The following SEC23A variants were observed in gnomAD, a reference collection of about 807,000 sequenced individuals.
SEC23A encodes the protein SEC23 homolog A, COPII component, also known as protein transport protein Sec23A.
Under a neutral mutation model 103.7 loss-of-function variants are expected in SEC23A, and 56 were observed. The ratio of observed to expected loss-of-function variants is 0.54; its 90% CI spans 0.44 to 0.67. The LOEUF is 0.67. Ranked by LOEUF, SEC23A falls within the 30% of genes least tolerant of loss-of-function variation. The pLI, the probability that SEC23A is intolerant of heterozygous loss-of-function variation, is 0.00. For synonymous variants in SEC23A, 281 were observed against 293.0 expected (o/e 0.96, Z 0.42); for missense variants, 784 against 936.4 (o/e 0.84, Z 2.12).
chr14:39,089,386 A>G (rs1441657346), intron 5 of SEC23A, among the ~76,000 whole-genome samples: 2 of 152,104 alleles, frequency 1.3e-5, no homozygotes, highest in Non-Finnish European at 2.9e-5. Flanking sequence ...TTTACAATTG[A>G]AAAAAACTAA....
intron 4 of SEC23A, among the ~76,000 whole-genome samples, chr14:39,092,030 A>G (rs545516349): frequency 3.3e-5 from 5 of 152,358 alleles, no homozygotes; most frequent in African/African-American, 1.2e-4. Context: ...ATAACTAGAA[A>G]CTAGCCAGGC....
intron 9 of SEC23A, among the ~76,000 whole-genome samples, chr14:39,070,770 T>TAGCC (rs1218197421): frequency 6.6e-6 from 1 of 152,230 alleles, no homozygotes; most frequent in African/African-American, 2.4e-5. Flanking sequence ...CTCATGCCTA[T>TAGCC]AATCCCAGCA....
chr14:39,059,278 T>TAAAAAAAAAAAAAAAAAAAAAAAAAA (rs750853379), intron 13 of SEC23A, among the ~76,000 whole-genome samples: 4 of 71,826 alleles, frequency 5.6e-5, no homozygotes, highest in African/African-American at 1.0e-4. Flanking sequence ...AGTCCTAGTT[T>TAAAAAAAAAAAAAAAAAAAAAAAAAA]AAAAAAAAAA....
chr14:39,049,523 T>C (rs1885969756), intron 14 of SEC23A, among the ~76,000 whole-genome samples: 1 of 151,588 alleles, frequency 6.6e-6, no homozygotes, highest in South Asian at 2.1e-4. Flanking sequence ...ATGCCTATAA[T>C]TCAAGCACTT....
chr14:39,090,715 C>T (rs1044870170), intron 5 of SEC23A, among the ~76,000 whole-genome samples: 2 of 152,304 alleles, frequency 1.3e-5, no homozygotes, highest in African/African-American at 4.8e-5. Context: ...CATCAGGTGA[C>T]TAGCACCATG....
At chr14:39,051,059 T>C (rs1033452053) in intron 14 of SEC23A, among the ~76,000 whole-genome samples, 2 of 152,192 alleles carry the variant, frequency 1.3e-5, no homozygotes, top group African/African-American at 4.8e-5. Context: ...AGAGAAAAAG[T>C]TAATACTGTT....
intron 13 of SEC23A, among the ~76,000 whole-genome samples, chr14:39,060,127 T>C (rs749901614): frequency 6.6e-6 from 1 of 151,486 alleles, no homozygotes; most frequent in Non-Finnish European, 1.5e-5. Context: ...GCACACACGT[T>C]GAGAGCCATA....
Position 39,043,833 on chromosome 14 carries a change from G to A in SEC23A, c.1900-961C>T, listed in dbSNP as rs182837643. ...ATACTGTTGAGAGCTCTGGTGAGAT[G>A]TAGGACATTGGTGGTCTTTATAAGA... On this transcript the variant is annotated intron_variant, in intron 16 of 19. Transcript: ENST00000307712. Among the ~76,000 whole-genome samples the A allele has an allele frequency of 2.5e-3, 384 of 152,324 alleles. 3 individuals are homozygous for A. The highest frequency in any genetic ancestry group is 8.7e-3 in the African/African-American group (363 of 41,574).
chr14:39,033,092 G>A lies in SEC23A; in HGVS notation c.*147C>T, dbSNP rs1885352768. On this transcript the variant is annotated 3_prime_UTR_variant, in exon 20 of 20. Coordinates refer to ENST00000307712, the MANE Select transcript of SEC23A (RefSeq NM_006364.4). ...TAATTCCAGCTTAATCTACAAATGT[G>A]AACATTTTCCATATGTTGTCTCAAA... 2 of 658,592 alleles carry A rather than the reference G, an allele frequency of 3.0e-6. No homozygotes were observed. The highest frequency in any genetic ancestry group is 5.5e-6 in the Non-Finnish European group (2 of 363,856). 40.8% of individuals were successfully genotyped at this position (658,592 alleles called of 1,614,324 possible).
rs534406720 is a variant in SEC23A at position 39,033,106 on chromosome 14, T to A, written c.*133A>T. On this transcript the variant is annotated 3_prime_UTR_variant, in exon 20 of 20. Coordinates refer to ENST00000307712, the MANE Select transcript of SEC23A (RefSeq NM_006364.4). ...TCTACAAATGTGAACATTTTCCATA[T>A]GTTGTCTCAAACCATACTAATACAA... The A allele has an allele frequency of 5.8e-6, 4 of 687,310 alleles. No homozygotes were observed. The highest frequency in any genetic ancestry group is 4.9e-5 in the Admixed American group (2 of 41,064). 42.6% of individuals were successfully genotyped at this position (687,310 alleles called of 1,614,324 possible).
chr14:39,093,360 G>A, intron 2 of SEC23A, 116 bp from the exon 3 acceptor site: 1 of 814,152 alleles, frequency 1.2e-6, no homozygotes, highest in South Asian at 1.6e-5. Flanking sequence ...CAAATTGATA[G>A]TCAAAGTAAC....
intron 13 of SEC23A, among the ~76,000 whole-genome samples, chr14:39,058,345 G>GGCTGGACT (rs1195226997): frequency 6.6e-6 from 1 of 151,486 alleles, no homozygotes; most frequent in Non-Finnish European, 1.5e-5. Context: ...CTGTCGCCCA[G>GGCTGGACT]GCTGGACTGC....
intron 7 of SEC23A, among the ~76,000 whole-genome samples, chr14:39,085,157 CA>C (rs1344661381): frequency 3.3e-5 from 5 of 152,226 alleles, no homozygotes; most frequent in Admixed American, 6.5e-5. Context: ...CATGAAAAGC[CA>C]AAAGAACACA....
chr14:39,093,389 T>C, intron 2 of SEC23A, 145 bp from the exon 3 acceptor site: 1 of 627,894 alleles, frequency 1.6e-6, no homozygotes, highest in Non-Finnish European at 2.7e-6. Flanking sequence ...GCCATGTAGT[T>C]TTAGATACTG....
intron 9 of SEC23A, among the ~76,000 whole-genome samples, chr14:39,070,309 T>G (rs1886801434): frequency 6.6e-6 from 1 of 152,222 alleles, no homozygotes; most frequent in African/African-American, 2.4e-5. Context: ...AATTGATTTT[T>G]AAGCCTAATT....
chr14:39,077,266 C>A (rs1271491229), intron 7 of SEC23A, among the ~76,000 whole-genome samples: 1 of 145,492 alleles, frequency 6.9e-6, no homozygotes, highest in Admixed American at 7.0e-5. Context: ...GAAAGAGGCC[C>A]GGCACGGTGA....
intron 8 of SEC23A, among the ~76,000 whole-genome samples, chr14:39,075,290 A>G (rs1303037183): frequency 6.6e-6 from 1 of 152,232 alleles, no homozygotes; most frequent in Non-Finnish European, 1.5e-5. Context: ...GGCAGGAAAG[A>G]AAAGCACCAA....
chr14:39,061,762 T>C lies in SEC23A; in HGVS notation c.1505+3A>G, dbSNP rs773855321. Reference sequence around the variant, plus strand: ...AATCAAATCTCTAACAAATACAACTTACTTCCTAGCAATGGTGGTCACTCG... The same window carrying C: ...AATCAAATCTCTAACAAATACAACTCACTTCCTAGCAATGGTGGTCACTCG... On this transcript the variant is annotated splice_donor_region_variant and intron_variant, in intron 13 of 19. Coordinates refer to ENST00000307712, the MANE Select transcript of SEC23A (RefSeq NM_006364.4). 6.9e-6 allele frequency: 11 copies of C among 1,597,384 alleles called. No individual in the cohort carries two copies. In the Admixed American group the frequency reaches 1.8e-4, roughly 27 times the overall value.
intron 16 of SEC23A, among the ~76,000 whole-genome samples, chr14:39,044,150 G>C (rs1459020982): frequency 6.6e-6 from 1 of 152,062 alleles, no homozygotes; most frequent in Non-Finnish European, 1.5e-5. Context: ...AAAACCCTAA[G>C]AACATGAAGC....
Sources: allele counts gnomAD v4.1 joint callset (sites outside exome capture counted in the v4.1 genomes callset), GRCh38; gene constraint gnomAD v4.1.1; transcripts MANE v1.5; gene names NCBI Gene and HGNC (gene_info 2026-07-23, HGNC 2026-07-21).